TRHDE: variants seen among roughly 807,000 people sequenced by gnomAD.
TRHDE encodes the protein thyrotropin-releasing hormone-degrading ectoenzyme.
Under a neutral mutation model 125.7 loss-of-function variants are expected in TRHDE, and 72 were observed. The observed-to-expected ratio is 0.57, with a 90% CI of 0.47 to 0.70. The LOEUF is 0.70. TRHDE is among the 30% of genes least tolerant of loss of function. The probability of loss-of-function intolerance (pLI) is 0.00; values close to 1 mark genes in which losing one functional copy is unlikely to be tolerated. For synonymous variants in TRHDE, 509 were observed against 509.1 expected (o/e 1.00, Z 0.00); for missense variants, 1,110 against 1,327.1 (o/e 0.84, Z 2.54).
At chr12:72,409,701 G>A (rs1873414346) in intron 3 of TRHDE, among the ~76,000 whole-genome samples, 1 of 152,140 alleles carries the variant, frequency 6.6e-6, no homozygotes, top group African/African-American at 2.4e-5. Context: ...AGTATGATTT[G>A]GAGATGTGAT....
At chr12:72,300,147 C>T (rs71456096) in intron 2 of TRHDE, among the ~76,000 whole-genome samples, 31 of 152,032 alleles carry the variant, frequency 2.0e-4, no homozygotes, top group Non-Finnish European at 3.5e-4. Context: ...TTCTTCCAGG[C>T]AGTGTTAGGT....
intron 10 of TRHDE, among the ~76,000 whole-genome samples, chr12:72,571,559 A>T (rs1418354760): frequency 6.6e-6 from 1 of 152,188 alleles, no homozygotes; most frequent in Non-Finnish European, 1.5e-5. Context: ...CCAATTTTTC[A>T]GTTTTAGAAA....
intron 2 of TRHDE, among the ~76,000 whole-genome samples, chr12:72,225,069 T>C (rs762143276): frequency 6.6e-6 from 1 of 152,176 alleles, no homozygotes; most frequent in Non-Finnish European, 1.5e-5. Flanking sequence ...GCATTGGAGT[T>C]CTGCAGAGAA....
intron 7 of TRHDE, among the ~76,000 whole-genome samples, chr12:72,560,276 G>A (rs1358044196): frequency 6.6e-6 from 1 of 152,152 alleles, no homozygotes; most frequent in African/African-American, 2.4e-5. Flanking sequence ...ATTTCAGCCT[G>A]CTTGAAGTGG....
intron 3 of TRHDE, among the ~76,000 whole-genome samples, chr12:72,448,465 TTTAG>T (rs1345059636): frequency 3.3e-5 from 5 of 152,088 alleles, no homozygotes; most frequent in African/African-American, 9.7e-5. Context: ...ATTGGTTTTA[TTTAG>T]TATCAGTGTT....
intron 2 of TRHDE, among the ~76,000 whole-genome samples, chr12:72,168,804 A>G (rs1281302497): frequency 6.6e-6 from 1 of 152,120 alleles, no homozygotes; most frequent in African/African-American, 2.4e-5. Context: ...ACTTGTTTTA[A>G]TTTAGTCCAA....
intron 2 of TRHDE, among the ~76,000 whole-genome samples, chr12:72,345,026 G>A (rs924417141): frequency 7.9e-5 from 12 of 152,102 alleles, no homozygotes; most frequent in Non-Finnish European, 1.6e-4. Context: ...TGGCACAGTG[G>A]TTGATATGTT....
intron 4 of TRHDE, among the ~76,000 whole-genome samples, chr12:72,471,075 C>G (rs1446168566): frequency 6.6e-6 from 1 of 151,866 alleles, no homozygotes; most frequent in African/African-American, 2.4e-5. Context: ...CGGGGTTTCA[C>G]CATCTTGGCT....
chr12:72,471,919 G>A (rs995249207), intron 4 of TRHDE, among the ~76,000 whole-genome samples: 43 of 152,142 alleles, frequency 2.8e-4, no homozygotes, highest in African/African-American at 8.7e-4. Context: ...TGTTCCAGCC[G>A]CACAGGTCTT....
chr12:72,560,218 A>G (rs1415570718), intron 7 of TRHDE, among the ~76,000 whole-genome samples: 1 of 152,168 alleles, frequency 6.6e-6, no homozygotes, highest in African/African-American at 2.4e-5. Context: ...ATCTTCCCTG[A>G]ATACAGAGAC....
intron 2 of TRHDE, among the ~76,000 whole-genome samples, chr12:72,187,498 G>T (rs929970823): frequency 4.0e-5 from 6 of 149,692 alleles, no homozygotes; most frequent in Non-Finnish European, 6.0e-5. Flanking sequence ...TGGTGGTGGT[G>T]GTGGTGGTGG....
At chr12:72,131,670 C>T (rs1382429717) in intron 2 of TRHDE, among the ~76,000 whole-genome samples, 1 of 152,188 alleles carries the variant, frequency 6.6e-6, no homozygotes, top group African/African-American at 2.4e-5. Context: ...TGTCTGGCGA[C>T]AGCTCTTTTG....
At chr12:72,331,682 G>A (rs1016819646) in intron 2 of TRHDE, among the ~76,000 whole-genome samples, 5 of 152,144 alleles carry the variant, frequency 3.3e-5, no homozygotes, top group African/African-American at 1.2e-4. Context: ...GAGTTGTGGG[G>A]CACTCTACGA....
chr12:72,416,068 A>G (rs1363892301), intron 3 of TRHDE, among the ~76,000 whole-genome samples: 1 of 151,598 alleles, frequency 6.6e-6, no homozygotes, highest in African/African-American at 2.4e-5. Flanking sequence ...TTTTTGATAA[A>G]TTTGTTATTG....
At chr12:72,119,937 T>C (rs1875536224) in intron 2 of TRHDE, among the ~76,000 whole-genome samples, 1 of 152,216 alleles carries the variant, frequency 6.6e-6, no homozygotes, top group South Asian at 2.1e-4. Flanking sequence ...GTATGTTTCT[T>C]GTAGGCAACA....
At chr12:72,176,532 T>C (rs1369323333) in intron 2 of TRHDE, among the ~76,000 whole-genome samples, 1 of 152,224 alleles carries the variant, frequency 6.6e-6, no homozygotes, top group African/African-American at 2.4e-5. Flanking sequence ...GACAGGTATT[T>C]GCATGAGTAA....
intron 2 of TRHDE, chr12:72,263,649 T>G (rs1427883005): frequency 6.6e-6 from 1 of 152,098 alleles, no homozygotes; most frequent in Non-Finnish European, 1.5e-5. Context: ...CACAATACAT[T>G]GCTTTTAGAC....
At chr12:72,456,740 G>C (rs1875874398) in intron 3 of TRHDE, among the ~76,000 whole-genome samples, 1 of 152,050 alleles carries the variant, frequency 6.6e-6, no homozygotes, top group African/African-American at 2.4e-5. Context: ...GGTGCAAAGT[G>C]TTTTCCTCCT....
intron 3 of TRHDE, among the ~76,000 whole-genome samples, chr12:72,395,378 T>C (rs796423164): frequency 1.3e-4 from 20 of 152,284 alleles, no homozygotes; most frequent in African/African-American, 2.2e-4. Context: ...AGTCATATCC[T>C]GGACCCTGTC....
Sources: gnomAD v4.1 joint callset for allele counts (sites outside exome capture counted in the v4.1 genomes callset) on GRCh38, gnomAD v4.1.1 for gene constraint, MANE v1.5 for transcripts, NCBI Gene and HGNC (gene_info 2026-07-23, HGNC 2026-07-21) for gene names.